TARBP1: variants seen among roughly 807,000 people sequenced by gnomAD.
The protein encoded by TARBP1 is tRNA guanosine 2 -O-methyltransferase TARBP1.
TARBP1 carries 144 observed loss-of-function variants against 178.6 expected under a neutral mutation model. The observed-to-expected ratio is 0.81, with a 90% CI of 0.70 to 0.93. The LOEUF (loss-of-function observed/expected upper bound fraction) is 0.93. Ranked by LOEUF, TARBP1 falls within the 40% of genes least tolerant of loss-of-function variation. TARBP1 has a pLI of 0.00. For missense variants in TARBP1, 2,067 were observed against 2,011.7 expected (o/e 1.03, Z -0.53); for synonymous variants, 787 against 781.0 (o/e 1.01, Z -0.13).
rs888720454 is a variant in TARBP1, at chr1:234,418,150, C to T, written c.3639G>A (p.Trp1213Ter). 2 of 1,528,258 alleles carry T rather than the reference C, an allele frequency of 1.3e-6. No homozygotes were observed. Among genetic ancestry groups the T allele is most frequent in the Non-Finnish European group, 1.8e-6 (2 of 1,140,148 alleles). 94.7% of individuals were successfully genotyped at this position (1,528,258 alleles called of 1,614,324 possible). Residue 1213 changes from tryptophan to a stop codon, truncating the protein, a stop_gained, in exon 22 of 30, where the codon TGG becomes TGA. Transcript: ENST00000040877. LOFTEE classifies it high-confidence loss of function. ...ATTTATGAAGAATCAATATAATAAT[C>T]CATTCTATAAAATATTTTATGGATG... ...NQASIKYFIE[W>*]IIILILHKFP... is the part of the protein sequence containing the mutation.
rs376830681 is a variant in TARBP1 at position 234,399,367 on chromosome 1, A to ACAATG, written c.4072-819_4072-815dup. ...TATATCTGTGCAAACTTAAACTGGC[A>ACAATG]CAATGATCACGACTACATGTTGATT... On this transcript the variant is annotated intron_variant, in intron 25 of 29. Coordinates refer to ENST00000040877, the MANE Select transcript of TARBP1 (RefSeq NM_005646.4). 3.1e-3 allele frequency among the ~76,000 whole-genome samples: 468 copies of ACAATG among 152,380 alleles called. 4 individuals are homozygous for ACAATG. The highest frequency in any genetic ancestry group is 0.011 in the African/African-American group (438 of 41,590).
intron 8 of TARBP1, 126 bp from the exon 9 acceptor site, chr1:234,457,882 A>T (rs996301384): frequency 1.2e-5 from 7 of 573,592 alleles, no homozygotes; most frequent in African/African-American, 4.0e-5. Context: ...AAATCAAAAG[A>T]AAGCAAATAT....
At chr1:234,392,806 G>A (rs1263914482) in intron 28 of TARBP1, 1 of 212,954 alleles carries the variant, frequency 4.7e-6, no homozygotes, top group African/African-American at 2.3e-5. Flanking sequence ...CGCCTCCCGG[G>A]TTCACGCCAT....
intron 14 of TARBP1, among the ~76,000 whole-genome samples, chr1:234,431,382 T>C (rs1007068325): frequency 1.3e-5 from 2 of 152,234 alleles, no homozygotes; most frequent in African/African-American, 4.8e-5. Context: ...GCATGGTTCA[T>C]GGTTTGGTTG....
At chr1:234,459,538 G>T (rs941126699) in intron 7 of TARBP1, among the ~76,000 whole-genome samples, 7 of 152,102 alleles carry the variant, frequency 4.6e-5, no homozygotes, top group Non-Finnish European at 8.8e-5. Context: ...TAGGCCGGGC[G>T]CAGTGGCTCA....
chr1:234,419,807 G>A (rs1662881822), intron 21 of TARBP1, among the ~76,000 whole-genome samples: 1 of 150,822 alleles, frequency 6.6e-6, no homozygotes, highest in South Asian at 2.1e-4. Context: ...CTACTCCCCA[G>A]AAGCAATTCT....
At chr1:234,460,634 A>T (rs1427225491) in intron 6 of TARBP1, among the ~76,000 whole-genome samples, 1 of 152,190 alleles carries the variant, frequency 6.6e-6, no homozygotes, top group Admixed American at 6.5e-5. Flanking sequence ...TGTGGAAAAA[A>T]ATATGGCAGT....
rs746802203 is a variant in TARBP1, at chr1:234,457,702, C to G, written c.1687G>C (p.Glu563Gln). 6.2e-7 allele frequency: 1 copy of G among 1,610,008 alleles called. No individual in the cohort carries two copies. Residue 563 changes from glutamate (E) to glutamine (Q), a missense_variant, in exon 9 of 30, where the codon GAA (glutamate) becomes CAA (glutamine). Coordinates refer to ENST00000040877, the MANE Select transcript of TARBP1 (RefSeq NM_005646.4). ...AATGAAGTTCCTCGTCCTAAGGATT[C>G]CTCTTGTCTCAGAGACATGAGAAAA... ...STFLMSLRQE[E>Q]SLGRGTSLWT...
In TARBP1 at chr1:234,427,614, C is replaced by T. The variant is rs747025602; in HGVS notation, c.3213G>A (p.Glu1071=). ...TAAACACAGTTCCAAATATACAAGC[C>T]TCAAGGATAAGTTCGCTATAATTTT... The part of the protein sequence containing the change: ...SAKNYSELIL[E]ACIFGTVFRR... Residue 1071 remains glutamate (E), a synonymous_variant, in exon 18 of 30, where the codon GAG becomes GAA. Coordinates refer to ENST00000040877, the MANE Select transcript of TARBP1 (RefSeq NM_005646.4). 4.1e-5 allele frequency: 66 copies of T among 1,599,232 alleles called. No individual in the cohort carries two copies. The highest frequency in any genetic ancestry group is 8.5e-6 in the Non-Finnish European group (10 of 1,176,392).
chr1:234,414,592 C>T (rs1274268407), intron 22 of TARBP1, among the ~76,000 whole-genome samples: 1 of 152,094 alleles, frequency 6.6e-6, no homozygotes, highest in Non-Finnish European at 1.5e-5. Flanking sequence ...ACCACTGACT[C>T]GTCAGTCAGT....
chr1:234,445,023 T>C (rs2103196772), intron 12 of TARBP1, among the ~76,000 whole-genome samples: 1 of 152,304 alleles, frequency 6.6e-6, no homozygotes, highest in East Asian at 1.9e-4. Context: ...GCTATTTTAC[T>C]CACTATTTTC....
intron 12 of TARBP1, 27 bp from the exon 13 acceptor site, chr1:234,437,399 TA>T: frequency 8.3e-7 from 1 of 1,207,586 alleles, no homozygotes; most frequent in South Asian, 1.5e-5. Context: ...AGCATGCAAC[TA>T]AAATGACAGC....
chr1:234,462,839 G>A (rs946813746), intron 6 of TARBP1, among the ~76,000 whole-genome samples: 5 of 151,744 alleles, frequency 3.3e-5, no homozygotes, highest in East Asian at 1.9e-4. Context: ...TTTTTCTGAC[G>A]TTTGAATAGA....
intron 24 of TARBP1, among the ~76,000 whole-genome samples, chr1:234,404,449 G>A (rs1661010458): frequency 6.6e-6 from 1 of 151,566 alleles, no homozygotes; most frequent in Non-Finnish European, 1.5e-5. Context: ...GCGATCCTGA[G>A]AAATATTAAT....
intron 23 of TARBP1, among the ~76,000 whole-genome samples, chr1:234,409,456 T>G (rs1661585882): frequency 6.6e-6 from 1 of 152,242 alleles, no homozygotes; most frequent in African/African-American, 2.4e-5. Context: ...TTGCGGCACA[T>G]ATTTAAAACA....
intron 20 of TARBP1, among the ~76,000 whole-genome samples, chr1:234,422,080 T>G (rs1435924704): frequency 6.6e-6 from 1 of 152,184 alleles, no homozygotes; most frequent in African/African-American, 2.4e-5. Context: ...CTGCTCAACC[T>G]CAATGCAATT....
intron 24 of TARBP1, among the ~76,000 whole-genome samples, chr1:234,402,734 C>T (rs567083769): frequency 1.3e-5 from 2 of 152,114 alleles, no homozygotes; most frequent in African/African-American, 2.4e-5. Context: ...GCCACCATAC[C>T]CCGCTAACTT....
intron 3 of TARBP1, among the ~76,000 whole-genome samples, chr1:234,469,044 T>G (rs1668757338): frequency 8.0e-6 from 1 of 124,640 alleles, no homozygotes; most frequent in Non-Finnish European, 1.6e-5. Context: ...GGTGCGAAAG[T>G]CGTTGCGGTT....
chr1:234,462,525 C>G (rs1415336532), intron 6 of TARBP1, among the ~76,000 whole-genome samples: 1 of 152,106 alleles, frequency 6.6e-6, no homozygotes, highest in Non-Finnish European at 1.5e-5. Context: ...CCTGTCTCTA[C>G]TAAGAATACA....
Sources: gnomAD v4.1 joint callset for allele counts (sites outside exome capture counted in the v4.1 genomes callset) on GRCh38, gnomAD v4.1.1 for gene constraint, MANE v1.5 for transcripts, NCBI Gene and HGNC (gene_info 2026-07-23, HGNC 2026-07-21) for gene names.